The following LPL variants were observed in gnomAD, a reference collection of about 807,000 sequenced individuals.
The protein encoded by LPL is phospholipase A1.
LPL carries 43 observed loss-of-function variants against 52.2 expected under a neutral mutation model. The ratio of observed to expected loss-of-function variants is 0.82; its 90% CI spans 0.64 to 1.06. LPL has a LOEUF of 1.06. LPL is among the 50% of genes least tolerant of loss of function. The pLI, the probability that LPL is intolerant of heterozygous loss-of-function variation, is 0.00. For synonymous variants in LPL, 244 were observed against 215.6 expected, an observed-to-expected ratio of 1.13 and a Z score of -1.15; for missense variants, 639 against 585.3, an observed-to-expected ratio of 1.09 and a Z score of -0.95.
At chr8:19,940,967 T>C (rs2069833692) in intron 1 of LPL, among the ~76,000 whole-genome samples, 1 of 151,988 alleles carries the variant, frequency 6.6e-6, no homozygotes, top group African/African-American at 2.4e-5. Flanking sequence ...TGGTGGCCTG[T>C]GCCTGTGGTC....
At position 19,962,248 on chromosome 8, in the gene LPL, G is replaced by A. The variant is rs747001111; in HGVS notation, c.1427+29G>A. The A allele has an allele frequency of 2.0e-5, 31 of 1,564,134 alleles. No homozygotes were observed. The African/African-American group carries it at 3.4e-4, about 17-fold the overall frequency. On this transcript the variant is annotated intron_variant, in intron 9 of 9. Coordinates refer to ENST00000650287, the MANE Select transcript of LPL (RefSeq NM_000237.3). ...AGCATTCTGGGCTAAAGCTGACTGG[G>A]CATCCTGAGCTTGCACCCTAAGGGA...
chr8:19,959,882 G>A (rs373767974), intron 7 of LPL, among the ~76,000 whole-genome samples: 80 of 133,272 alleles, frequency 6.0e-4, no homozygotes, highest in South Asian at 4.3e-3. Flanking sequence ...TCTACCTCCC[G>A]AGTTCAAACA....
Position 19,965,503 on chromosome 8 carries a change from A to C in LPL, c.*193A>C. On this transcript the variant is annotated 3_prime_UTR_variant, in exon 10 of 10. Transcript: ENST00000650287. ...CAAGCACTAAAAAGTGGCTAATTCAATTTATGGGGTATAGTGGCCAAATAG... is the reference window on the plus strand; with the variant it reads ...CAAGCACTAAAAAGTGGCTAATTCACTTTATGGGGTATAGTGGCCAAATAG... The C allele has an allele frequency of 1.7e-6, 1 of 576,756 alleles. No individual in the cohort carries two copies. Among genetic ancestry groups the C allele is most frequent in the Non-Finnish European group, 3.1e-6 (1 of 322,938 alleles). The allele number at this position is 576,756 out of a possible 1,614,324, so 35.7% of individuals were successfully genotyped here. A position where few individuals can be genotyped will look rare whatever the true frequency, so the allele number is the denominator to read the frequency against.
chr8:19,967,028 T>C lies in LPL; in HGVS notation c.*1718T>C, dbSNP rs2070095603. The C allele has an allele frequency of 1.3e-5, 2 of 152,650 alleles. No homozygotes were observed. The highest frequency in any genetic ancestry group is 1.5e-5 in the Non-Finnish European group (1 of 68,040). 9.5% of individuals were successfully genotyped at this position (152,650 alleles called of 1,614,324 possible). A position where few individuals can be genotyped will look rare whatever the true frequency, so the allele number is the denominator to read the frequency against. On this transcript the variant is annotated 3_prime_UTR_variant, in exon 10 of 10. Transcript: ENST00000650287. ...GGCTTTACATTTTATTTATTAGCTG[T>C]AAATACATGTGTGGATGTGTAAATG...
chr8:19,944,633 TTTC>T lies in LPL; in HGVS notation c.89-3545_89-3543del, dbSNP rs748639315. ...TCCTGGGATGCTCAACACTTCCCTCTTTCTAGCAACAAGAATTACCACTCTTCC... is the reference window on the plus strand; with the variant it reads ...TCCTGGGATGCTCAACACTTCCCTCTTAGCAACAAGAATTACCACTCTTCC... On this transcript the variant is annotated intron_variant, in intron 1 of 9. Coordinates refer to ENST00000650287, the MANE Select transcript of LPL (RefSeq NM_000237.3). This position sits in a 1 kb window ranked among gnomAD's most constrained non-coding sequence, Gnocchi z 4.2. Among the ~76,000 whole-genome samples the T allele has an allele frequency of 1.5e-3, 235 of 152,306 alleles. No homozygotes were observed. The highest frequency in any genetic ancestry group is 2.4e-3 in the Non-Finnish European group (164 of 68,030).
chr8:19,960,424 G>A (rs1460797204), intron 7 of LPL, among the ~76,000 whole-genome samples: 2 of 152,102 alleles, frequency 1.3e-5, no homozygotes, highest in Non-Finnish European at 2.9e-5. Flanking sequence ...TTGAGGCAGT[G>A]GGTAAATGAA....
chr8:19,964,304 T>G (rs10099160), intron 9 of LPL, among the ~76,000 whole-genome samples: 29,498 of 152,122 alleles, frequency 0.19, 3,247 homozygotes, highest in Non-Finnish European at 0.24. Flanking sequence ...GCATGCATAT[T>G]CTGCCAGAGC....
intron 1 of LPL, among the ~76,000 whole-genome samples, chr8:19,942,930 T>C (rs546684610): frequency 6.6e-6 from 1 of 152,202 alleles, no homozygotes; most frequent in Non-Finnish European, 1.5e-5. Context: ...TTCATTCCTT[T>C]TGCTCTTCCC....
At position 19,944,162 on chromosome 8, in the gene LPL, G is replaced by A. The variant is rs2069863984; in HGVS notation, c.89-4018G>A. 6.6e-6 allele frequency among the ~76,000 whole-genome samples: 1 copy of A among 151,986 alleles called. No homozygotes were observed. Among genetic ancestry groups the A allele is most frequent in the Non-Finnish European group, 1.5e-5 (1 of 67,986 alleles). ...GATCGTGCCACTGCACTCCAGCCTGGGTGACAGAGCAAGACTCCGTTTCAA... is the reference window on the plus strand; with the variant it reads ...GATCGTGCCACTGCACTCCAGCCTGAGTGACAGAGCAAGACTCCGTTTCAA... On this transcript the variant is annotated intron_variant, in intron 1 of 9. Transcript: ENST00000650287. This position sits in a 1 kb window ranked among gnomAD's most constrained non-coding sequence, Gnocchi z 4.2.
At position 19,944,006 on chromosome 8, in the gene LPL, G is replaced by A. The variant is rs1227323270; in HGVS notation, c.89-4174G>A. Reference sequence around the variant, plus strand: ...GTTCAAGACCAGCGTGGCCAGGATGGTGAAACCCCATCTCTACTAAAAATA... The same window carrying A: ...GTTCAAGACCAGCGTGGCCAGGATGATGAAACCCCATCTCTACTAAAAATA... On this transcript the variant is annotated intron_variant, in intron 1 of 9. Transcript: ENST00000650287. The surrounding 1 kb of genome is among the most constrained non-coding windows in gnomAD (Gnocchi z 4.2). 6.6e-6 allele frequency among the ~76,000 whole-genome samples: 1 copy of A among 152,078 alleles called. No homozygotes were observed. The highest frequency in any genetic ancestry group is 1.5e-5 in the Non-Finnish European group (1 of 68,006).
rs368179122 is a variant in LPL at position 19,962,077 on chromosome 8, G to C, written c.1323-38G>C. 6.7e-6 allele frequency: 9 copies of C among 1,341,810 alleles called. No individual in the cohort carries two copies. In the African/African-American group the frequency reaches 1.1e-4, roughly 17 times the overall value. 83.1% of individuals were successfully genotyped at this position (1,341,810 alleles called of 1,614,324 possible). On this transcript the variant is annotated intron_variant, in intron 8 of 9. Transcript: ENST00000650287. ...ACCTTTGTGAACAGTGCTTTTGATT[G>C]TTCTACATGGCATATTCACATCCAT...
rs759733237 is a variant in LPL, at chr8:19,961,047, A to G, written c.1286A>G (p.Gln429Arg). The G allele has an allele frequency of 4.3e-6, 7 of 1,614,036 alleles. No individual in the cohort carries two copies. The South Asian group carries it at 7.7e-5, about 18-fold the overall frequency. ...DWWSSPGFAIQKIRVKAGETQ... is the reference protein window; with the variant it reads ...DWWSSPGFAIRKIRVKAGETQ... Reference sequence around the variant, plus strand: ...TGGAGCAGTCCCGGCTTCGCCATTCAGAAGATCAGAGTAAAAGCAGGAGAG... The same window carrying G: ...TGGAGCAGTCCCGGCTTCGCCATTCGGAAGATCAGAGTAAAAGCAGGAGAG... The change falls in exon 8 of 10, where the codon CAG becomes CGG. Residue 429 changes from glutamine (Q) to arginine (R), a missense_variant. Transcript: ENST00000650287.
rs1590134647 is a variant in LPL at position 19,939,903 on chromosome 8, C to A, written c.88+375C>A. 6.6e-6 allele frequency among the ~76,000 whole-genome samples: 1 copy of A among 152,202 alleles called. No homozygotes were observed. Among genetic ancestry groups the A allele is most frequent in the African/African-American group, 2.4e-5 (1 of 41,462 alleles). On this transcript the variant is annotated intron_variant, in intron 1 of 9. Coordinates refer to ENST00000650287, the MANE Select transcript of LPL (RefSeq NM_000237.3). The surrounding 1 kb of genome is among the most constrained non-coding windows in gnomAD (Gnocchi z 4.0). ...CCGGCTGGCGGTGACCTGCAGTCAC[C>A]TCTCTGCCGGAGGGGCCCTGGAATG...
intron 6 of LPL, among the ~76,000 whole-genome samples, chr8:19,958,949 GA>G (rs1344022949): frequency 6.6e-6 from 1 of 152,224 alleles, no homozygotes; most frequent in African/African-American, 2.4e-5. Flanking sequence ...TTGGCCTTCT[GA>G]TTTGATCTCC....
intron 1 of LPL, among the ~76,000 whole-genome samples, chr8:19,945,562 C>A (rs574419794): frequency 6.6e-6 from 1 of 152,278 alleles, no homozygotes; most frequent in Non-Finnish European, 1.5e-5. Flanking sequence ...CTGGACCCAA[C>A]AGAGGGAAAT....
chr8:19,943,169 T>C (rs1022890731), intron 1 of LPL, among the ~76,000 whole-genome samples: 40 of 152,228 alleles, frequency 2.6e-4, no homozygotes, highest in African/African-American at 9.2e-4. Flanking sequence ...AGTCTCTTTC[T>C]ATGCAGTCAG....
chr8:19,941,217 A>G (rs1331148326), intron 1 of LPL, among the ~76,000 whole-genome samples: 1 of 152,258 alleles, frequency 6.6e-6, no homozygotes, highest in Non-Finnish European at 1.5e-5. Context: ...GAAAGTCTTC[A>G]ACATCTTAGG....
chr8:19,963,215 C>T (rs898868396), intron 9 of LPL, among the ~76,000 whole-genome samples: 1 of 152,296 alleles, frequency 6.6e-6, no homozygotes, highest in African/African-American at 2.4e-5. Context: ...GCAGGTGGAT[C>T]ACCTGAGGTC....
At chr8:19,940,021 G>A (rs1210393965) in intron 1 of LPL, among the ~76,000 whole-genome samples, 1 of 152,202 alleles carries the variant, frequency 6.6e-6, no homozygotes, top group Admixed American at 6.5e-5. Flanking sequence ...CCCCTTCTGG[G>A]GAAGCCGGGG....
Sources: gnomAD v4.1 joint callset for allele counts (sites outside exome capture counted in the v4.1 genomes callset) on GRCh38, gnomAD v4.1.1 for gene constraint, Gnocchi (gnomAD v3.1) non-coding constraint, MANE v1.5 for transcripts, NCBI Gene and HGNC (gene_info 2026-07-23, HGNC 2026-07-21) for gene names.